HSF2BP: variants seen among roughly 807,000 people sequenced by gnomAD.
HSF2BP encodes heat shock transcription factor 2 binding protein, also known as heat shock factor 2-binding protein.
Under a neutral mutation model 35.0 loss-of-function variants are expected in HSF2BP, and 35 were observed. That is an observed-to-expected ratio of 1.00 (90% CI 0.76 to 1.32). HSF2BP has a LOEUF of 1.32. Ranked by LOEUF, HSF2BP falls within the 40% of genes most tolerant of loss-of-function variation. The probability of loss-of-function intolerance (pLI) is 0.00; values close to 1 mark genes in which losing one functional copy is unlikely to be tolerated. For synonymous variants in HSF2BP, 114 were observed against 117.4 expected (o/e 0.97, Z 0.18); for missense variants, 326 against 321.7 (o/e 1.01, Z -0.10).
chr21:43,635,020 T>A (rs1395893865), intron 4 of HSF2BP, among the ~76,000 whole-genome samples: 1 of 152,258 alleles, frequency 6.6e-6, no homozygotes, highest in East Asian at 1.9e-4. Context: ...ACAGTCACAT[T>A]TGGTAGTTGC....
rs1026877576 is a variant in HSF2BP at position 43,597,986 on chromosome 21, T to C, written c.693-5658A>G. On this transcript the variant is annotated intron_variant, in intron 7 of 8. Coordinates refer to ENST00000291560, the MANE Select transcript of HSF2BP (RefSeq NM_007031.2). This position sits in a 1 kb window ranked among gnomAD's most constrained non-coding sequence, Gnocchi z 4.3. ...TATTGTAGTTCTCTATTAAAATCTC[T>C]GGTTTCCCCACTAAACTTTGTCAAA... 1.3e-5 allele frequency among the ~76,000 whole-genome samples: 2 copies of C among 152,250 alleles called. No homozygotes were observed. Among genetic ancestry groups the C allele is most frequent in the African/African-American group, 4.8e-5 (2 of 41,464 alleles).
chr21:43,601,228 G>A (rs1006104488), intron 7 of HSF2BP, among the ~76,000 whole-genome samples: 4 of 152,132 alleles, frequency 2.6e-5, no homozygotes, highest in Non-Finnish European at 5.9e-5. Flanking sequence ...CTGGCTCCAC[G>A]TACCCTCCAG....
At chr21:43,626,863 A>C (rs2082395675) in intron 6 of HSF2BP, among the ~76,000 whole-genome samples, 1 of 123,744 alleles carries the variant, frequency 8.1e-6, no homozygotes, top group Non-Finnish European at 1.7e-5. Context: ...TTCTATACCA[A>C]GAAATTTTTT....
At chr21:43,615,904 G>A (rs924406319) in intron 6 of HSF2BP, among the ~76,000 whole-genome samples, 9 of 152,012 alleles carry the variant, frequency 5.9e-5, no homozygotes, top group Non-Finnish European at 1.0e-4. Flanking sequence ...ATGTTGGAGA[G>A]CAGCAACAGC....
intron 6 of HSF2BP, among the ~76,000 whole-genome samples, chr21:43,619,013 G>A (rs976522787): frequency 3.3e-5 from 5 of 151,426 alleles, no homozygotes; most frequent in African/African-American, 9.7e-5. Flanking sequence ...TGAATCTTAC[G>A]CTGTCACCTG....
At chr21:43,656,932 A>G (rs1232130919) in intron 2 of HSF2BP, among the ~76,000 whole-genome samples, 195 bp from the exon 3 acceptor site, 1 of 152,234 alleles carries the variant, frequency 6.6e-6, no homozygotes, top group Non-Finnish European at 1.5e-5. Flanking sequence ...TCAGCCTTCA[A>G]AAAGGGAGCC....
chr21:43,645,113 T>A (rs1180027439), intron 3 of HSF2BP, among the ~76,000 whole-genome samples: 1 of 152,228 alleles, frequency 6.6e-6, no homozygotes, highest in Non-Finnish European at 1.5e-5. Flanking sequence ...AAGTGTTTGA[T>A]CTCAAAAGCT....
intron 7 of HSF2BP, among the ~76,000 whole-genome samples, chr21:43,600,378 T>C (rs2082037595): frequency 6.6e-6 from 1 of 152,228 alleles, no homozygotes. Flanking sequence ...CAATCAGTGA[T>C]GCTAAACTGA....
At chr21:43,604,271 C>A (rs1383876736) in intron 7 of HSF2BP, among the ~76,000 whole-genome samples, 1 of 147,230 alleles carries the variant, frequency 6.8e-6, no homozygotes, top group Non-Finnish European at 1.5e-5. Context: ...ATACCACACA[C>A]CACTCACACA....
chr21:43,610,815 G>A (rs1289248261), intron 7 of HSF2BP, among the ~76,000 whole-genome samples: 1 of 152,108 alleles, frequency 6.6e-6, no homozygotes, highest in Non-Finnish European at 1.5e-5. Context: ...TTTCCTCTGG[G>A]AAAACTCCTG....
chr21:43,632,668 C>A (rs543409760), intron 5 of HSF2BP, among the ~76,000 whole-genome samples: 8 of 152,298 alleles, frequency 5.3e-5, no homozygotes, highest in African/African-American at 1.7e-4. Flanking sequence ...TCTTCCTCCT[C>A]CTCTTCAGCC....
Position 43,617,231 on chromosome 21 carries a change from A to T in HSF2BP, c.575-3284T>A, listed in dbSNP as rs899606275. Among the ~76,000 whole-genome samples the T allele has an allele frequency of 3.2e-4, 49 of 152,014 alleles. 1 individual carries two copies. The highest frequency in any genetic ancestry group is 1.1e-3 in the African/African-American group (44 of 41,450). On this transcript the variant is annotated intron_variant, in intron 6 of 8. Coordinates refer to ENST00000291560, the MANE Select transcript of HSF2BP (RefSeq NM_007031.2). Reference sequence around the variant, plus strand: ...AAACATTACTAATACATCGCTGAAGAAAAAAAATATATATATATGTATCTC... The same window carrying T: ...AAACATTACTAATACATCGCTGAAGTAAAAAAATATATATATATGTATCTC...
rs181501675 is a variant in HSF2BP at position 43,579,918 on chromosome 21, T to A, written c.796+12307A>T. ...ACAGGAACAGTGTTTATATCTCTAT[T>A]TTGTGGATGACAGAATATCATGGAA... On this transcript the variant is annotated intron_variant, in intron 8 of 8. Transcript: ENST00000291560. 4.1e-4 allele frequency among the ~76,000 whole-genome samples: 62 copies of A among 152,328 alleles called. No individual in the cohort carries two copies. In the Middle Eastern group the frequency reaches 0.01, roughly 25 times the overall value.
intron 4 of HSF2BP, among the ~76,000 whole-genome samples, chr21:43,636,566 A>T (rs2082561638): frequency 6.6e-6 from 1 of 152,216 alleles, no homozygotes; most frequent in Non-Finnish European, 1.5e-5. Flanking sequence ...CAACCCAATT[A>T]AAAATGGGCA....
At position 43,589,908 on chromosome 21, in the gene HSF2BP, G is replaced by A. The variant is rs186669586; in HGVS notation, c.796+2317C>T. On this transcript the variant is annotated intron_variant, in intron 8 of 8. Coordinates refer to ENST00000291560, the MANE Select transcript of HSF2BP (RefSeq NM_007031.2). Reference sequence around the variant, plus strand: ...TTCAAAACAAATCATATACCTAAACGTGAAATGCAAAACTATAAAACTACT... The same window carrying A: ...TTCAAAACAAATCATATACCTAAACATGAAATGCAAAACTATAAAACTACT... Among the ~76,000 whole-genome samples, 40 of 152,236 alleles carry A rather than the reference G, an allele frequency of 2.6e-4. No homozygotes were observed. In the East Asian group the frequency reaches 5.2e-3, roughly 20 times the overall value.
chr21:43,598,945 G>A (rs367568088), intron 7 of HSF2BP, among the ~76,000 whole-genome samples: 3 of 152,152 alleles, frequency 2.0e-5, no homozygotes, highest in Admixed American at 6.5e-5. Flanking sequence ...AACAGAGATC[G>A]TACGACCCCA....
intron 5 of HSF2BP, among the ~76,000 whole-genome samples, chr21:43,633,022 TATTA>T (rs2082503288): frequency 6.6e-6 from 1 of 152,286 alleles, no homozygotes; most frequent in East Asian, 1.9e-4. Context: ...ACATGTAAAG[TATTA>T]ATACTGAAGT....
At chr21:43,582,549 T>C (rs2081770231) in intron 8 of HSF2BP, among the ~76,000 whole-genome samples, 1 of 82,160 alleles carries the variant, frequency 1.2e-5, no homozygotes, top group Non-Finnish European at 2.4e-5. Flanking sequence ...GAGGACCTGC[T>C]GAGGGAGATG....
At chr21:43,653,229 A>AAGGGGAAGGGAAGGGG (rs2082819168) in intron 3 of HSF2BP, among the ~76,000 whole-genome samples, 1 of 41,104 alleles carries the variant, frequency 2.4e-5, no homozygotes, top group Non-Finnish European at 4.8e-5. Flanking sequence ...AAGGGAAGGG[A>AAGGGGAAGGGAAGGGG]AGGGGAAGGG....
Sources: gnomAD v4.1 joint callset for allele counts (sites outside exome capture counted in the v4.1 genomes callset) on GRCh38, gnomAD v4.1.1 for gene constraint, Gnocchi (gnomAD v3.1) non-coding constraint, MANE v1.5 for transcripts, NCBI Gene and HGNC (gene_info 2026-07-23, HGNC 2026-07-21) for gene names.